Variants in XPR1 observed in about 807,000 individuals in gnomAD.
XPR1 encodes xenotropic and polytropic retrovirus receptor 1.
A neutral mutation model predicts 87.5 loss-of-function variants in XPR1; 28 were observed. The observed-to-expected ratio is 0.32, with a 90% CI of 0.24 to 0.44. The LOEUF is 0.44. Among genes scored for constraint, XPR1 ranks in the 20% least tolerant of loss-of-function variants. The pLI, the probability that XPR1 is intolerant of heterozygous loss-of-function variation, is 1.00. For synonymous variants in XPR1, 300 were observed against 306.1 expected, an observed-to-expected ratio of 0.98 and a Z score of 0.21; for missense variants, 559 against 862.3, an observed-to-expected ratio of 0.65 and a Z score of 4.41.
intron 6 of XPR1, among the ~76,000 whole-genome samples, chr1:180,809,594 A>C (rs1003895758): frequency 6.6e-6 from 1 of 152,188 alleles, no homozygotes; most frequent in African/African-American, 2.4e-5. Flanking sequence ...TTTTAAAATT[A>C]GTTTCAAAAA....
rs1305464221 is a variant in XPR1, at chr1:180,885,845, A to G, written c.*1779A>G. On this transcript the variant is annotated 3_prime_UTR_variant, in exon 15 of 15. Coordinates refer to ENST00000367590, the MANE Select transcript of XPR1 (RefSeq NM_004736.4). The stretch of plus-strand genomic sequence containing the variant: ...CAAGTCTTGACCCATCCCTGTCGTA[A>G]CTCCAGTAAAAGTTACTGTTACTAG... The G allele has an allele frequency of 6.6e-6, 1 of 152,190 alleles. No homozygotes were observed. Among genetic ancestry groups the G allele is most frequent in the South Asian group, 2.1e-4 (1 of 4,828 alleles). The allele number at this position is 152,190 out of a possible 1,614,324, so 9.4% of individuals were successfully genotyped here.
intron 1 of XPR1, among the ~76,000 whole-genome samples, chr1:180,654,509 A>G (rs1655387811): frequency 1.3e-5 from 2 of 152,018 alleles, no homozygotes; most frequent in Non-Finnish European, 2.9e-5. Context: ...TCTACCATCC[A>G]TCTCAATTCT....
intron 1 of XPR1, among the ~76,000 whole-genome samples, chr1:180,634,852 T>C (rs1654713647): frequency 6.6e-6 from 1 of 151,770 alleles, no homozygotes; most frequent in African/African-American, 2.4e-5. Flanking sequence ...ATATAATATG[T>C]ATATATTGTA....
intron 3 of XPR1, among the ~76,000 whole-genome samples, chr1:180,793,270 C>G (rs1385322275): frequency 6.6e-6 from 1 of 151,930 alleles, no homozygotes; most frequent in East Asian, 1.9e-4. Flanking sequence ...TTCCTGTAAT[C>G]CTGTTTTACA....
In XPR1 at chr1:180,674,519, A is replaced by G. The variant is rs183709976; in HGVS notation, c.70-7841A>G. ...GGTGACCCACCCTCCTCGGCCTCCA[A>G]AAGTGCTGGGATTACAGGCGTGAGC... On this transcript the variant is annotated intron_variant, in intron 1 of 14. Coordinates refer to ENST00000367590, the MANE Select transcript of XPR1 (RefSeq NM_004736.4). Among the ~76,000 whole-genome samples the G allele has an allele frequency of 6.6e-5, 10 of 151,824 alleles. No individual in the cohort carries two copies. In the East Asian group the frequency reaches 1.7e-3, roughly 26 times the overall value.
At chr1:180,662,537 G>C (rs999312290) in intron 1 of XPR1, among the ~76,000 whole-genome samples, 1 of 152,018 alleles carries the variant, frequency 6.6e-6, no homozygotes, top group Non-Finnish European at 1.5e-5. Flanking sequence ...CTTTTCTCTT[G>C]CTGCTTTTAT....
intron 1 of XPR1, among the ~76,000 whole-genome samples, chr1:180,657,387 T>C (rs1032702256): frequency 1.3e-5 from 2 of 152,190 alleles, no homozygotes; most frequent in Admixed American, 6.5e-5. Context: ...CTGGAGACTT[T>C]CCTCAGTGTT....
intron 12 of XPR1, among the ~76,000 whole-genome samples, chr1:180,866,957 C>T (rs1477610885): frequency 9.8e-6 from 1 of 102,536 alleles, no homozygotes; most frequent in Non-Finnish European, 1.9e-5. Context: ...TGCTATCCCT[C>T]CCCCCTCCCC....
intron 1 of XPR1, among the ~76,000 whole-genome samples, chr1:180,681,233 T>A (rs1336303395): frequency 6.6e-6 from 1 of 152,176 alleles, no homozygotes; most frequent in Non-Finnish European, 1.5e-5. Flanking sequence ...CACAAAAAAA[T>A]TATAGATGTT....
intron 6 of XPR1, among the ~76,000 whole-genome samples, chr1:180,810,728 G>A (rs895217996): frequency 1.3e-5 from 2 of 151,616 alleles, no homozygotes; most frequent in African/African-American, 4.8e-5. Flanking sequence ...CAATTTCATT[G>A]TAAAAATGAA....
chr1:180,730,306 TG>T (rs1658508143), intron 2 of XPR1, among the ~76,000 whole-genome samples: 2 of 152,188 alleles, frequency 1.3e-5, no homozygotes, highest in African/African-American at 4.8e-5. Context: ...TTGTATAGTT[TG>T]AAGTTAGGTA....
chr1:180,764,267 G>T (rs1428097644), intron 2 of XPR1, among the ~76,000 whole-genome samples: 1 of 152,060 alleles, frequency 6.6e-6, no homozygotes, highest in Admixed American at 6.5e-5. Flanking sequence ...ATGTGTGTAA[G>T]TTGTATATAT....
Position 180,717,507 on chromosome 1 carries a change from T to C in XPR1, c.121+35096T>C, listed in dbSNP as rs189431084. 2.8e-3 allele frequency among the ~76,000 whole-genome samples: 423 copies of C among 152,314 alleles called. 1 individual carries two copies. The highest frequency in any genetic ancestry group is 5.0e-3 in the Non-Finnish European group (340 of 68,032). ...ATTAGTGGCAGCCAAAAGTGTTTTT[T>C]TTCTGAACATGTACCTCAGAACTAC... is the stretch of plus-strand genomic sequence containing the variant. On this transcript the variant is annotated intron_variant, in intron 2 of 14. Transcript: ENST00000367590.
chr1:180,798,993 T>C (rs1571848879), intron 3 of XPR1, among the ~76,000 whole-genome samples: 1 of 152,208 alleles, frequency 6.6e-6, no homozygotes, highest in East Asian at 1.9e-4. Flanking sequence ...GTTCCAGAGC[T>C]TGTTGCTCCT....
chr1:180,667,843 TTCATCTGGATTA>T (rs1432375088), intron 1 of XPR1, among the ~76,000 whole-genome samples: 1 of 152,188 alleles, frequency 6.6e-6, no homozygotes, highest in Non-Finnish European at 1.5e-5. Flanking sequence ...ATTTGTCCAT[TTCATCTGGATTA>T]TCCAATTTTT....
At chr1:180,843,369 T>A (rs1286198287) in intron 11 of XPR1, among the ~76,000 whole-genome samples, 1 of 152,158 alleles carries the variant, frequency 6.6e-6, no homozygotes, top group Non-Finnish European at 1.5e-5. Flanking sequence ...GTAGCTCAAA[T>A]TTTTAACTCT....
chr1:180,738,136 C>T (rs544758462), intron 2 of XPR1, among the ~76,000 whole-genome samples: 26 of 152,184 alleles, frequency 1.7e-4, no homozygotes, highest in Non-Finnish European at 2.2e-4. Context: ...GTCAGCCTCC[C>T]GAGTAGCTGA....
chr1:180,785,008 TG>T (rs1238367386), intron 2 of XPR1, among the ~76,000 whole-genome samples: 19 of 125,420 alleles, frequency 1.5e-4, no homozygotes, highest in African/African-American at 5.7e-4. Flanking sequence ...CGTGTGTGTG[TG>T]TTTGTGTGTG....
At chr1:180,837,899 T>TAATA (rs1213818146) in intron 11 of XPR1, among the ~76,000 whole-genome samples, 2 of 152,216 alleles carry the variant, frequency 1.3e-5, no homozygotes, top group Non-Finnish European at 2.9e-5. Context: ...TACTAAGTTA[T>TAATA]AAAGAACCCT....
Sources: gnomAD v4.1 joint callset for allele counts (sites outside exome capture counted in the v4.1 genomes callset) on GRCh38, gnomAD v4.1.1 for gene constraint, MANE v1.5 for transcripts, NCBI Gene and HGNC (gene_info 2026-07-23, HGNC 2026-07-21) for gene names.